PDXDC1: variants seen among roughly 807,000 people sequenced by gnomAD.
The protein encoded by PDXDC1 is pyridoxal dependent decarboxylase domain containing 1.
Under a neutral mutation model 100.1 loss-of-function variants are expected in PDXDC1, and 42 were observed. The observed-to-expected ratio is 0.42, with a 90% CI of 0.33 to 0.54. The LOEUF is 0.54. PDXDC1 is among the 20% of genes least tolerant of loss of function. The pLI is 0.10. For synonymous variants in PDXDC1, 260 were observed against 371.7 expected (o/e 0.70, Z 3.46); for missense variants, 636 against 979.2 (o/e 0.65, Z 4.68).
At chr16:15,132,322 GAGGGGAGGGGAGGGGGCAGGGGCT>G (rs1294125371) in intron 16 of PDXDC1, among the ~76,000 whole-genome samples, 1 of 37,004 alleles carries the variant, frequency 2.7e-5, no homozygotes, top group Non-Finnish European at 5.9e-5. Context: ...AGGGCTAGCG[GAGGGGAGGGGAGGGGGCAGGGGCT>G]AGGGGAGGGG....
intron 16 of PDXDC1, chr16:15,130,349 G>A: frequency 1.3e-6 from 2 of 1,558,340 alleles, no homozygotes; most frequent in Non-Finnish European, 1.7e-6. Flanking sequence ...CCTCCTCGCT[G>A]AAGTACTGGC....
rs546194787 is a variant in PDXDC1, at chr16:15,094,254, G to C, written c.1400-44625G>C. 3.9e-5 allele frequency: 61 copies of C among 1,547,064 alleles called. No homozygotes were observed. In the East Asian group the frequency reaches 1.5e-3, roughly 37 times the overall value. The stretch of plus-strand genomic sequence containing the variant: ...GCCATTGGGCCGAACTAACGCGACC[G>C]CTGCGCCTCAGGCCGGATGCCCAGC... On this transcript the variant is annotated intron_variant, in intron 16 of 16. Transcript: ENST00000535621.
chr16:15,133,532 A>G, intron 16 of PDXDC1: 1 of 967,682 alleles, frequency 1.0e-6, no homozygotes, highest in Non-Finnish European at 1.6e-6. Context: ...GTCCTGCACC[A>G]CCACGGCCAG....
At chr16:15,034,973 G>A (rs2043314487) in intron 21 of PDXDC1, among the ~76,000 whole-genome samples, 1 of 152,194 alleles carries the variant, frequency 6.6e-6, no homozygotes, top group South Asian at 2.1e-4. Context: ...TTTGAACCAG[G>A]CAGCCAGCAA....
intron 14 of PDXDC1, among the ~76,000 whole-genome samples, chr16:15,026,979 G>A (rs1249157904): frequency 6.6e-6 from 1 of 152,250 alleles, no homozygotes; most frequent in Admixed American, 6.5e-5. Flanking sequence ...ATAAAGATTT[G>A]TGGGTCTTAC....
intron 16 of PDXDC1, chr16:15,104,406 GA>G: frequency 2.9e-5 from 43 of 1,459,232 alleles, no homozygotes; most frequent in South Asian, 1.7e-4. Flanking sequence ...ACACACTTGG[GA>G]GGTGTCTTGA....
intron 1 of PDXDC1, among the ~76,000 whole-genome samples, chr16:14,983,184 GTAT>G (rs1968396794): frequency 6.6e-6 from 1 of 152,266 alleles, no homozygotes; most frequent in Non-Finnish European, 1.5e-5. Context: ...TGAAACGAAA[GTAT>G]TATATACTTC....
intron 6 of PDXDC1, among the ~76,000 whole-genome samples, 183 bp from the exon 7 acceptor site, chr16:15,008,596 T>C (rs1288791169): frequency 1.4e-4 from 3 of 21,550 alleles, no homozygotes; most frequent in Middle Eastern, 0.1. Context: ...AAATTCACCC[T>C]TTTTTTTTTT....
intron 16 of PDXDC1, among the ~76,000 whole-genome samples, chr16:15,052,868 GCTACGCTGCGAGC>G (rs1369185647): frequency 6.6e-6 from 1 of 152,070 alleles, no homozygotes; most frequent in Non-Finnish European, 1.5e-5. Flanking sequence ...CAGGAACTAA[GCTACGCTGCGAGC>G]ATCTTGTAGA....
At chr16:15,132,557 G>A (rs2048157136) in intron 16 of PDXDC1, among the ~76,000 whole-genome samples, 1 of 151,228 alleles carries the variant, frequency 6.6e-6, no homozygotes, top group African/African-American at 2.4e-5. Context: ...ACAGCAGAAA[G>A]GCTGAGGCTA....
chr16:14,998,710 C>T (rs1160429048), intron 3 of PDXDC1, among the ~76,000 whole-genome samples: 1 of 152,302 alleles, frequency 6.6e-6, no homozygotes, highest in Non-Finnish European at 1.5e-5. Flanking sequence ...CCACCTCAGC[C>T]TCCCAAAGTG....
chr16:15,028,423 TC>T (rs1348936133), intron 14 of PDXDC1, among the ~76,000 whole-genome samples: 1 of 152,294 alleles, frequency 6.6e-6, no homozygotes, highest in Non-Finnish European at 1.5e-5. Context: ...TGATTTTCTT[TC>T]TTTATGGTCT....
chr16:15,029,019 C>G, intron 15 of PDXDC1, 53 bp downstream of exon 15: 2 of 1,562,836 alleles, frequency 1.3e-6, no homozygotes, highest in Non-Finnish European at 1.7e-6. Context: ...CATCACCATC[C>G]GACCTGCTGG....
rs188789818 is a variant in PDXDC1 at position 15,083,747 on chromosome 16, G to A, written c.1399+53691G>A. The A allele has an allele frequency of 2.8e-3, 2,418 of 876,974 alleles. 6 individuals carry two copies. Among genetic ancestry groups the A allele is most frequent in the African/African-American group, 5.7e-3 (335 of 58,428 alleles). 54.3% of individuals were successfully genotyped at this position (876,974 alleles called of 1,614,324 possible). ...TTTTTGTTTTTTGAGACGGAGTTTC[G>A]CTCTTGTTGCCCAGGCTGGAGTGCA... On this transcript the variant is annotated intron_variant, in intron 16 of 16. Transcript: ENST00000535621.
At chr16:15,140,535 A>T (rs2048455024), downstream of PDXDC1, among the ~76,000 whole-genome samples, 1 of 152,008 alleles carries the variant, frequency 6.6e-6, no homozygotes, top group Admixed American at 6.6e-5. Flanking sequence ...AAAAAGAAAA[A>T]CCAGGCAATT....
At chr16:15,146,556 C>T in the PDXDC1 span, among the ~76,000 whole-genome samples, 13 of 152,210 alleles carry the variant, frequency 8.5e-5, no homozygotes, top group Middle Eastern at 3.4e-3. Context: ...AGGAGTAGGC[C>T]GGGTCTTGTG....
At chr16:14,979,978 A>G (rs570579133) in intron 1 of PDXDC1, among the ~76,000 whole-genome samples, 1 of 152,418 alleles carries the variant, frequency 6.6e-6, no homozygotes, top group East Asian at 1.9e-4. Flanking sequence ...TAGCTTTCAT[A>G]TAAAGCCAAT....
At chr16:15,149,546 C>T in the PDXDC1 span, among the ~76,000 whole-genome samples, 1 of 152,322 alleles carries the variant, frequency 6.6e-6, no homozygotes, top group Admixed American at 6.5e-5. Flanking sequence ...TGACTGTCTT[C>T]CCCGACGCCA....
At chr16:15,069,027 T>C (rs935551486) in intron 16 of PDXDC1, among the ~76,000 whole-genome samples, 4 of 152,198 alleles carry the variant, frequency 2.6e-5, no homozygotes, top group Non-Finnish European at 4.4e-5. Context: ...AGAGCTTGTA[T>C]TTACTTACCT....
Sources: allele counts gnomAD v4.1 joint callset (sites outside exome capture counted in the v4.1 genomes callset), GRCh38; gene constraint gnomAD v4.1.1; transcripts MANE v1.5; gene names NCBI Gene and HGNC (gene_info 2026-07-23, HGNC 2026-07-21).